DNAH17: variants seen among roughly 807,000 people sequenced by gnomAD.
DNAH17 encodes axonemal beta dynein heavy chain 17.
DNAH17 carries 376 observed loss-of-function variants against 485.6 expected under a neutral mutation model. That is an observed-to-expected ratio of 0.77 (90% CI 0.71 to 0.84). The LOEUF (loss-of-function observed/expected upper bound fraction) is 0.84. Among genes scored for constraint, DNAH17 ranks in the 40% least tolerant of loss-of-function variants. The pLI, the probability that DNAH17 is intolerant of heterozygous loss-of-function variation, is 0.00. For missense variants in DNAH17, 6,370 were observed against 5,839.3 expected, an observed-to-expected ratio of 1.09 and a Z score of -2.96; for synonymous variants, 3,031 against 2,405.9, an observed-to-expected ratio of 1.26 and a Z score of -7.60.
chr17:78,542,639 G>A (rs2091628106), intron 17 of DNAH17, among the ~76,000 whole-genome samples: 1 of 152,194 alleles, frequency 6.6e-6, no homozygotes, highest in Non-Finnish European at 1.5e-5. Context: ...CTACTGTTCT[G>A]CATTCTCCCA....
chr17:78,542,378 C>T (rs939282852), intron 17 of DNAH17, among the ~76,000 whole-genome samples: 8 of 152,196 alleles, frequency 5.3e-5, no homozygotes, highest in Middle Eastern at 3.4e-3. Context: ...AAACTCCTGA[C>T]GTCAAGTGAT....
chr17:78,505,577 C>G (rs1224483896), intron 30 of DNAH17, 132 bp from the exon 31 acceptor site: 8 of 1,153,912 alleles, frequency 6.9e-6, no homozygotes, highest in African/African-American at 1.5e-5. Context: ...TCAACGTTGA[C>G]TAAACATGAC....
In DNAH17 at chr17:78,450,384, G is replaced by A. The variant is rs1281522521; in HGVS notation, c.10910C>T (p.Ala3637Val). ...ASEIEEKVVE[A>V]KITEVKINEA... ...GTTGATTTTAACTTCTGTGATTTTT[G>A]CCTCCACCACCTCGACACAAACAAA... is the stretch of plus-strand genomic sequence containing the variant. Residue 3637 changes from alanine (A) to valine (V), a missense_variant, in exon 68 of 81, where the codon GCA becomes GTA. Coordinates refer to ENST00000389840, the MANE Select transcript of DNAH17 (RefSeq NM_173628.4). The A allele has an allele frequency of 6.2e-7, 1 of 1,613,818 alleles. No homozygotes were observed. Among genetic ancestry groups the A allele is most frequent in the Non-Finnish European group, 8.5e-7 (1 of 1,179,846 alleles).
chr17:78,531,332 T>C (rs1204915718), intron 20 of DNAH17, among the ~76,000 whole-genome samples: 1 of 149,936 alleles, frequency 6.7e-6, no homozygotes, highest in Admixed American at 6.7e-5. Context: ...TGACATAAAG[T>C]CTGTCTTTTT....
chr17:78,538,229 A>C (rs1332175697), intron 18 of DNAH17, among the ~76,000 whole-genome samples: 1 of 151,788 alleles, frequency 6.6e-6, no homozygotes, highest in East Asian at 1.9e-4. Flanking sequence ...TGACACACAA[A>C]GCAGGTACTG....
In DNAH17 at chr17:78,565,962, AAAC is replaced by A. The variant is rs201110557; in HGVS notation, c.1569+649_1569+651del. ...CAAGACTCCATCTCAAAAAACAAAC[AAAC>A]AACAAAAACAAAACAAAACAAAAAA... On this transcript the variant is annotated intron_variant, in intron 11 of 80. Transcript: ENST00000389840. Among the ~76,000 whole-genome samples, 902 of 151,768 alleles carry A rather than the reference AAAC, an allele frequency of 5.9e-3. 12 individuals are homozygous for A. Among genetic ancestry groups the A allele is most frequent in the African/African-American group, 0.02 (821 of 41,072 alleles).
At chr17:78,473,454 G>A (rs888172613) in intron 54 of DNAH17, among the ~76,000 whole-genome samples, 1 of 147,794 alleles carries the variant, frequency 6.8e-6, no homozygotes, top group Non-Finnish European at 1.5e-5. Context: ...TGAGGCAGGA[G>A]AATGGTGTGA....
At chr17:78,542,702 A>G (rs979345402) in intron 17 of DNAH17, among the ~76,000 whole-genome samples, 9 of 152,204 alleles carry the variant, frequency 5.9e-5, no homozygotes, top group African/African-American at 2.2e-4. Context: ...ACATAGAGTC[A>G]TATGCTGTTG....
intron 75 of DNAH17, among the ~76,000 whole-genome samples, chr17:78,432,425 ATGGCCCATGG>A (rs1415133729): frequency 2.6e-5 from 4 of 152,174 alleles, no homozygotes; most frequent in Non-Finnish European, 5.9e-5. Context: ...AGTGGCATCT[ATGGCCCATGG>A]TGGCCCATTG....
chr17:78,481,566 C>T (rs1034283358), intron 48 of DNAH17, among the ~76,000 whole-genome samples: 4 of 152,114 alleles, frequency 2.6e-5, no homozygotes, highest in Non-Finnish European at 4.4e-5. Context: ...CATCTCTGTG[C>T]CTTAATATTC....
At position 78,543,917 on chromosome 17, in the gene DNAH17, G is replaced by C. The variant is rs748540882; in HGVS notation, c.2472C>G (p.Asn824Lys). ...TGACTGCTGCGTAGCGCTTGTTGAGGTTGGCAATTCTTCCATCCAAGTCTA... is the reference window on the plus strand; with the variant it reads ...TGACTGCTGCGTAGCGCTTGTTGAGCTTGGCAATTCTTCCATCCAAGTCTA... ...ALLDLDGRIA[N>K]LNKRYAAVRD... The change falls in exon 17 of 81, where the codon AAC becomes AAG. Residue 824 changes from asparagine (N) to lysine (K), a missense_variant. Transcript: ENST00000389840. 6.2e-7 allele frequency: 1 copy of C among 1,614,050 alleles called. No individual in the cohort carries two copies. Among genetic ancestry groups the C allele is most frequent in the East Asian group, 2.2e-5 (1 of 44,892 alleles).
At chr17:78,430,635 C>T (rs2086639376) in intron 75 of DNAH17, among the ~76,000 whole-genome samples, 1 of 152,154 alleles carries the variant, frequency 6.6e-6, no homozygotes, top group Admixed American at 6.5e-5. Flanking sequence ...GGCTGGAGTG[C>T]AATGGTGCAG....
chr17:78,507,742 T>A lies in DNAH17; in HGVS notation c.4300A>T (p.Thr1434Ser), dbSNP rs749775673. 6 of 1,602,728 alleles carry A rather than the reference T, an allele frequency of 3.7e-6. No homozygotes were observed. Among genetic ancestry groups the A allele is most frequent in the Non-Finnish European group, 5.1e-6 (6 of 1,178,870 alleles). ...CTGGACTTGAGCATCATGGTGCCTGTCCGCGGGTGCGGCTCGTGCTGGAAT... is the reference window on the plus strand; with the variant it reads ...CTGGACTTGAGCATCATGGTGCCTGACCGCGGGTGCGGCTCGTGCTGGAAT... ...MEFQHEPHPR[T>S]GTMMLKSSEV... The change falls in exon 28 of 81, where the codon ACA (threonine) becomes TCA (serine). Residue 1434 changes from threonine (T) to serine (S), a missense_variant. Thr to Ser is a moderately conservative substitution (Grantham distance 58). Transcript: ENST00000389840.
intron 5 of DNAH17, 34 bp from the exon 6 acceptor site, chr17:78,571,067 G>T: frequency 6.5e-7 from 1 of 1,544,244 alleles, no homozygotes; most frequent in South Asian, 1.2e-5. Flanking sequence ...CCACCGGTAA[G>T]AGAGCAGAAA....
chr17:78,426,361 G>C, intron 79 of DNAH17, 96 bp downstream of exon 79: 5 of 1,391,376 alleles, frequency 3.6e-6, no homozygotes, highest in Non-Finnish European at 4.7e-6. Context: ...GAGCCTCCTG[G>C]CCATGCTCCT....
rs947217584 is a variant in DNAH17, at chr17:78,494,109, A to G, written c.6335T>C (p.Val2112Ala). ...QAEDSFVLKV[V>A]QLEELLQVRH... ...GACCTGCAGCAGCTCCTCCAGCTGCACCACCTTCAGCACGAAGCTGTCCTC... is the reference window on the plus strand; with the variant it reads ...GACCTGCAGCAGCTCCTCCAGCTGCGCCACCTTCAGCACGAAGCTGTCCTC... Residue 2112 changes from valine (V) to alanine (A), a missense_variant, in exon 41 of 81, where the codon GTG becomes GCG. By Grantham distance (64) the Val-to-Ala change is moderately conservative. Coordinates refer to ENST00000389840, the MANE Select transcript of DNAH17 (RefSeq NM_173628.4). 6.2e-7 allele frequency: 1 copy of G among 1,612,844 alleles called. No homozygotes were observed. The highest frequency in any genetic ancestry group is 1.3e-5 in the African/African-American group (1 of 75,030).
intron 75 of DNAH17, among the ~76,000 whole-genome samples, chr17:78,432,153 CCA>C (rs996126802): frequency 1.3e-5 from 2 of 151,358 alleles, no homozygotes; most frequent in African/African-American, 4.9e-5. Flanking sequence ...CACTCCTGCC[CCA>C]GTTAACAGTG....
At chr17:78,426,234 T>C (rs2086452411) in intron 79 of DNAH17, among the ~76,000 whole-genome samples, 1 of 146,736 alleles carries the variant, frequency 6.8e-6, no homozygotes, top group Admixed American at 6.7e-5. Context: ...TGATGGAAGC[T>C]GCTCTGCGGC....
intron 66 of DNAH17, 29 bp from the exon 67 acceptor site, chr17:78,450,875 A>G (rs1347122032): frequency 6.2e-7 from 1 of 1,611,140 alleles, no homozygotes; most frequent in South Asian, 1.1e-5. Context: ...GAGTCACTGC[A>G]TTGCCTGGCT....
Sources: gnomAD v4.1 joint callset for allele counts (sites outside exome capture counted in the v4.1 genomes callset) on GRCh38, gnomAD v4.1.1 for gene constraint, MANE v1.5 for transcripts, NCBI Gene and HGNC (gene_info 2026-07-23, HGNC 2026-07-21) for gene names.